The following NTRK3 variants were observed in gnomAD, a reference collection of about 807,000 sequenced individuals.
NTRK3 encodes neurotrophic receptor tyrosine kinase 3.
Under a neutral mutation model 91.7 loss-of-function variants are expected in NTRK3, and 24 were observed. That is an observed-to-expected ratio of 0.26 (90% CI 0.19 to 0.37). The LOEUF (loss-of-function observed/expected upper bound fraction) is 0.37. Ranked by LOEUF, NTRK3 falls within the 10% of genes least tolerant of loss-of-function variation. NTRK3 has a pLI of 1.00. For missense variants in NTRK3, 880 were observed against 1,068.9 expected, an observed-to-expected ratio of 0.82 and a Z score of 2.46; for synonymous variants, 483 against 404.0, an observed-to-expected ratio of 1.20 and a Z score of -2.34.
intron 5 of NTRK3, among the ~76,000 whole-genome samples, chr15:88,151,972 T>C (rs1441861238): frequency 6.6e-6 from 1 of 152,198 alleles, no homozygotes; most frequent in East Asian, 1.9e-4. Context: ...TCTGTTGTAA[T>C]GTACTGAATT....
intron 18 of NTRK3, among the ~76,000 whole-genome samples, chr15:87,878,975 C>A (rs115903077): frequency 6.7e-6 from 1 of 150,104 alleles, no homozygotes; most frequent in Non-Finnish European, 1.5e-5. Flanking sequence ...TCCTCCCCTG[C>A]GAAAACAGTA....
chr15:88,023,998 C>A (rs951850079), intron 14 of NTRK3, among the ~76,000 whole-genome samples: 1 of 152,196 alleles, frequency 6.6e-6, no homozygotes, highest in Non-Finnish European at 1.5e-5. Context: ...CATTACCCTA[C>A]GCTAAGCGAT....
chr15:87,881,399 C>T lies in NTRK3; in HGVS notation c.2134-971G>A, dbSNP rs181394903. ...AGGTATTACTTAAAGTTCTCATTTC[C>T]TTCTTTCTTATTTATTTATTTATTT... On this transcript the variant is annotated intron_variant, in intron 17 of 18. Transcript: ENST00000394480. Among the ~76,000 whole-genome samples the T allele has an allele frequency of 7.1e-4, 95 of 133,762 alleles. 1 individual carries two copies. In the East Asian group the frequency reaches 0.019, roughly 27 times the overall value. 87.8% of individuals were successfully genotyped at this position (133,762 alleles called of 152,430 possible).
intron 17 of NTRK3, among the ~76,000 whole-genome samples, chr15:87,912,931 A>AATATATATATATATATATATATATATAT (rs58367924): frequency 5.5e-5 from 2 of 36,502 alleles, no homozygotes; most frequent in Non-Finnish European, 9.4e-5. Context: ...AGTAAAAAAA[A>AATATATATATATATATATATATATATAT]ATATATATAT....
exon 19 of NTRK3, chr15:87,874,599 C>A: frequency 4.3e-6 from 1 of 232,960 alleles, no homozygotes; most frequent in Non-Finnish European, 8.5e-6. Flanking sequence ...AAGACAGAAG[C>A]CACACAGTGT....
chr15:87,980,144 G>A (rs11073756), intron 14 of NTRK3, among the ~76,000 whole-genome samples: 91,490 of 152,060 alleles, frequency 0.6, 28,349 homozygotes, highest in East Asian at 0.78. Flanking sequence ...AACACTGGTG[G>A]CCCCGAGGCC....
Position 88,256,506 on chromosome 15 carries a change from A to C in NTRK3, c.-218-20T>G. On this transcript the variant is annotated intron_variant, in intron 1 of 18. Transcript: ENST00000394480. ...CCGAGACTTTGCAGGGTTGCAACAGACGGTGGGGAGGCAAAAAAAAAAAAG... is the reference window on the plus strand; with the variant it reads ...CCGAGACTTTGCAGGGTTGCAACAGCCGGTGGGGAGGCAAAAAAAAAAAAG... 2.0e-6 allele frequency: 1 copy of C among 500,970 alleles called. No homozygotes were observed. Among genetic ancestry groups the C allele is most frequent in the Non-Finnish European group, 3.4e-6 (1 of 291,130 alleles). 31.0% of individuals were successfully genotyped at this position (500,970 alleles called of 1,614,324 possible). A position where few individuals can be genotyped will look rare whatever the true frequency, so the allele number is the denominator to read the frequency against.
chr15:88,248,075 G>A (rs1400277097), intron 3 of NTRK3, among the ~76,000 whole-genome samples: 1 of 152,198 alleles, frequency 6.6e-6, no homozygotes, highest in Non-Finnish European at 1.5e-5. Flanking sequence ...ATGAGCACCA[G>A]GGGCATAGTC....
intron 17 of NTRK3, among the ~76,000 whole-genome samples, chr15:87,922,879 C>A (rs1041817265): frequency 2.0e-5 from 3 of 152,142 alleles, no homozygotes; most frequent in Non-Finnish European, 4.4e-5. Context: ...TTTCCTCCAC[C>A]CAATTCATAG....
At chr15:88,044,303 C>T (rs1271076400) in intron 13 of NTRK3, among the ~76,000 whole-genome samples, 1 of 143,156 alleles carries the variant, frequency 7.0e-6, no homozygotes, top group Non-Finnish European at 1.5e-5. Context: ...CTCTGTTGCC[C>T]AAGCTGGAGT....
chr15:87,888,124 C>T (rs887095895), intron 17 of NTRK3, among the ~76,000 whole-genome samples: 1 of 152,148 alleles, frequency 6.6e-6, no homozygotes, highest in African/African-American at 2.4e-5. Flanking sequence ...TTCCACCGAT[C>T]ATTGCCTTTC....
chr15:88,054,689 G>C (rs572121351), intron 13 of NTRK3, among the ~76,000 whole-genome samples: 1 of 152,018 alleles, frequency 6.6e-6, no homozygotes, highest in African/African-American at 2.4e-5. Flanking sequence ...AAATACTCCT[G>C]GATCTCAATT....
chr15:87,988,864 A>G (rs970781458), intron 14 of NTRK3, among the ~76,000 whole-genome samples: 2 of 152,194 alleles, frequency 1.3e-5, no homozygotes, highest in Admixed American at 6.5e-5. Flanking sequence ...TAAAAGTCAT[A>G]CATAATAACA....
At chr15:87,880,211 G>C (rs2141464372) in intron 18 of NTRK3, 59 bp downstream of exon 19, 1 of 1,607,216 alleles carries the variant, frequency 6.2e-7, no homozygotes, top group Non-Finnish European at 8.5e-7. Flanking sequence ...CAAGTTCTGG[G>C]CTGAGATAGC....
chr15:88,097,186 A>G (rs543150761), intron 13 of NTRK3, among the ~76,000 whole-genome samples: 8 of 152,384 alleles, frequency 5.2e-5, no homozygotes, highest in Admixed American at 4.6e-4. Context: ...TCTTTTTATT[A>G]TTAACATGTC....
At chr15:88,135,450 G>A (rs937018699) in intron 9 of NTRK3, 53 bp from the exon 10 acceptor site, 20 of 1,577,378 alleles carry the variant, frequency 1.3e-5, no homozygotes, top group South Asian at 2.3e-5. Context: ...ACCACCTCCT[G>A]CAGTAGCCTT....
chr15:87,883,327 G>A (rs2065355894), intron 17 of NTRK3, among the ~76,000 whole-genome samples: 1 of 148,078 alleles, frequency 6.8e-6, no homozygotes, highest in Admixed American at 6.8e-5. Flanking sequence ...TGAAGTTTAT[G>A]CTCCAATTAA....
chr15:87,981,009 C>T (rs2074211124), intron 14 of NTRK3, among the ~76,000 whole-genome samples: 3 of 152,116 alleles, frequency 2.0e-5, no homozygotes, highest in East Asian at 1.9e-4. Flanking sequence ...CCTGCTTCTC[C>T]CATAGCCCTT....
Position 88,235,512 on chromosome 15 carries a change from G to A in NTRK3, c.248+20394C>T, listed in dbSNP as rs557195643. Among the ~76,000 whole-genome samples, 6 of 152,248 alleles carry A rather than the reference G, an allele frequency of 3.9e-5. No homozygotes were observed. In the East Asian group the frequency reaches 9.7e-4, roughly 25 times the overall value. ...TTTCTGGTGGGACCAGGCCCTCTTC[G>A]AGTGGCATTCATCTATCCCTTGCAC... On this transcript the variant is annotated intron_variant, in intron 3 of 18. Transcript: ENST00000394480. This position sits in a 1 kb window ranked among gnomAD's most constrained non-coding sequence, Gnocchi z 5.2.
Sources: gnomAD v4.1 joint callset for allele counts (sites outside exome capture counted in the v4.1 genomes callset) on GRCh38, gnomAD v4.1.1 for gene constraint, Gnocchi (gnomAD v3.1) non-coding constraint, MANE v1.5 for transcripts, NCBI Gene and HGNC (gene_info 2026-07-23, HGNC 2026-07-21) for gene names.